TSPAN33: variants seen among roughly 807,000 people sequenced by gnomAD.
TSPAN33 encodes the protein tetraspanin 33.
A neutral mutation model predicts 34.8 loss-of-function variants in TSPAN33; 27 were observed. The ratio of observed to expected loss-of-function variants is 0.78; its 90% CI spans 0.57 to 1.07. The LOEUF is 1.07. Ranked by LOEUF, TSPAN33 falls within the 50% of genes least tolerant of loss-of-function variation. The pLI is 0.00. For synonymous variants in TSPAN33, 119 were observed against 124.2 expected (o/e 0.96, Z 0.28); for missense variants, 272 against 324.9 (o/e 0.84, Z 1.25).
chr7:129,167,910 C>T lies in TSPAN33; in HGVS notation c.*36C>T. ...TGCACCTCCTCACCATGGAAACTGG[C>T]AAGCCTCATAAACGAACAGCAGTGG... On this transcript the variant is annotated 3_prime_UTR_variant, in exon 8 of 8. Transcript: ENST00000486685. The surrounding 1 kb of genome is among the most constrained non-coding windows in gnomAD (Gnocchi z 4.6). 6.2e-7 allele frequency: 1 copy of T among 1,608,986 alleles called. No homozygotes were observed. The highest frequency in any genetic ancestry group is 1.1e-5 in the South Asian group (1 of 90,224).
intron 3 of TSPAN33, 69 bp downstream of exon 3, chr7:129,162,590 C>G: frequency 6.3e-7 from 1 of 1,593,598 alleles, no homozygotes; most frequent in South Asian, 1.1e-5. Flanking sequence ...CCTCCCACGG[C>G]CCTTTGGTTG....
chr7:129,167,754 T>G lies in TSPAN33; in HGVS notation c.751-19T>G. ...CATCACTCACTGCTGAGTGCCCAAT[T>G]CCTTCTTGCCTCTCCCAGCTGGTGG... On this transcript the variant is annotated intron_variant, in intron 7 of 7. Transcript: ENST00000486685. This position sits in a 1 kb window ranked among gnomAD's most constrained non-coding sequence, Gnocchi z 4.6. 1 of 1,613,352 alleles carries G rather than the reference T, an allele frequency of 6.2e-7. No homozygotes were observed. The highest frequency in any genetic ancestry group is 8.5e-7 in the Non-Finnish European group (1 of 1,179,408).
In TSPAN33 at chr7:129,161,698, T is replaced by G. The variant is rs1793056849; in HGVS notation, c.122T>G (p.Val41Gly). 1 of 1,614,150 alleles carries G rather than the reference T, an allele frequency of 6.2e-7. No homozygotes were observed. The highest frequency in any genetic ancestry group is 1.3e-5 in the African/African-American group (1 of 75,026). ...MLFWVISMVM[V>G]AVGVYARLMK... ...CCACAGGTGATTTCCATGGTGATGG[T>G]GGCTGTGGGTGTCTACGCTCGGCTA... Residue 41 changes from valine (V) to glycine (G), a missense_variant, in exon 2 of 8, where the codon GTG (valine) becomes GGG (glycine). Transcript: ENST00000486685.
In TSPAN33 at chr7:129,161,827, G is replaced by A. The variant is rs1793059040; in HGVS notation, c.160+91G>A. 9 of 1,533,082 alleles carry A rather than the reference G, an allele frequency of 5.9e-6. No individual in the cohort carries two copies. The South Asian group carries it at 1.0e-4, about 17-fold the overall frequency. 95.0% of individuals were successfully genotyped at this position (1,533,082 alleles called of 1,614,324 possible). ...AGCCTGGCCCTCACACATAAGCTATGGGGCTAAAGGAGGCAGCCTCCCTGG... is the reference window on the plus strand; with the variant it reads ...AGCCTGGCCCTCACACATAAGCTATAGGGCTAAAGGAGGCAGCCTCCCTGG... On this transcript the variant is annotated intron_variant, in intron 2 of 7. Coordinates refer to ENST00000486685, the MANE Select transcript of TSPAN33 (RefSeq NM_178562.5).
At chr7:129,153,132 G>A (rs1341773114) in intron 1 of TSPAN33, among the ~76,000 whole-genome samples, 2 of 151,806 alleles carry the variant, frequency 1.3e-5, no homozygotes, top group African/African-American at 4.8e-5. Context: ...CGGACACAGA[G>A]GGTCACCTAG....
intron 1 of TSPAN33, among the ~76,000 whole-genome samples, chr7:129,153,595 T>G (rs145110457): frequency 8.6e-4 from 131 of 152,206 alleles, no homozygotes; most frequent in African/African-American, 3.1e-3. Flanking sequence ...TTGGGGATAA[T>G]TGGGGAAAGT....
At chr7:129,162,135 G>A (rs371253794) in intron 2 of TSPAN33, among the ~76,000 whole-genome samples, 2 of 152,198 alleles carry the variant, frequency 1.3e-5, no homozygotes, top group African/African-American at 2.4e-5. Context: ...ATTCTTTTGC[G>A]GAGCGAAAGC....
chr7:129,145,838 C>T (rs1810513221), intron 1 of TSPAN33, among the ~76,000 whole-genome samples: 1 of 151,802 alleles, frequency 6.6e-6, no homozygotes, highest in Non-Finnish European at 1.5e-5. Context: ...TTGACTTGAC[C>T]GACCTAAGCA....
At position 129,167,150 on chromosome 7, in the gene TSPAN33, T is replaced by C. The variant is rs146728592; in HGVS notation, c.588+244T>C. On this transcript the variant is annotated intron_variant, in intron 6 of 7. Coordinates refer to ENST00000486685, the MANE Select transcript of TSPAN33 (RefSeq NM_178562.5). The surrounding 1 kb of genome is among the most constrained non-coding windows in gnomAD (Gnocchi z 4.6). ...CAGATTCAGTACCTGTGCAGGTTTG[T>C]TATATAAGTAAACTTGTGTCTTAGG... Among the ~76,000 whole-genome samples, 90 of 152,316 alleles carry C rather than the reference T, an allele frequency of 5.9e-4. No individual in the cohort carries two copies. Among genetic ancestry groups the C allele is most frequent in the African/African-American group, 2.0e-3 (83 of 41,572 alleles).
rs1427536743 is a variant in TSPAN33 at position 129,167,899 on chromosome 7, A to G, written c.*25A>G. On this transcript the variant is annotated 3_prime_UTR_variant, in exon 8 of 8. Transcript: ENST00000486685. The surrounding 1 kb of genome is among the most constrained non-coding windows in gnomAD (Gnocchi z 4.6). ...AGAATCCATCCTGCACCTCCTCACC[A>G]TGGAAACTGGCAAGCCTCATAAACG... The G allele has an allele frequency of 5.6e-6, 9 of 1,611,920 alleles. No homozygotes were observed. The highest frequency in any genetic ancestry group is 4.4e-5 in the South Asian group (4 of 90,676).
Position 129,167,835 on chromosome 7 carries a change from GCTCTA to G in TSPAN33, c.815_819del (p.Leu272GlnfsTer7). The stretch of plus-strand genomic sequence containing the variant: ...AGATCAAAGATCAGATCAAGCTACA[GCTCTA>G]CAACCAGCAGCACCGGGCTGACCCA... On this transcript the variant is annotated frameshift_variant, in exon 8 of 8. Coordinates refer to ENST00000486685, the MANE Select transcript of TSPAN33 (RefSeq NM_178562.5). LOFTEE classifies it high-confidence loss of function. This position sits in a 1 kb window ranked among gnomAD's most constrained non-coding sequence, Gnocchi z 4.6. 1 of 1,614,154 alleles carries G rather than the reference GCTCTA, an allele frequency of 6.2e-7. No homozygotes were observed.
intron 1 of TSPAN33, among the ~76,000 whole-genome samples, chr7:129,145,628 C>T (rs535099520): frequency 6.6e-6 from 1 of 151,792 alleles, no homozygotes; most frequent in Admixed American, 6.6e-5. Context: ...CAGCACTGCC[C>T]CAAACTTTGT....
intron 3 of TSPAN33, 66 bp from the exon 4 acceptor site, chr7:129,162,767 C>T: frequency 6.4e-7 from 1 of 1,567,302 alleles, no homozygotes; most frequent in South Asian, 1.1e-5. Flanking sequence ...CCAGCATCCC[C>T]TTGGCCCTGG....
intron 1 of TSPAN33, among the ~76,000 whole-genome samples, chr7:129,155,356 TAAC>T (rs1333130205): frequency 2.0e-5 from 3 of 152,188 alleles, no homozygotes; most frequent in Non-Finnish European, 2.9e-5. Flanking sequence ...TGACTATAGT[TAAC>T]AACAATATAT....
chr7:129,154,286 C>T (rs1473839174), intron 1 of TSPAN33, among the ~76,000 whole-genome samples: 1 of 151,904 alleles, frequency 6.6e-6, no homozygotes, highest in African/African-American at 2.4e-5. Flanking sequence ...TGTACCACTG[C>T]CCTCCAGCCT....
chr7:129,163,333 C>CTTTTTTTTTTTTTTTTTTTGTT (rs57365994), intron 4 of TSPAN33, among the ~76,000 whole-genome samples: 1 of 124,872 alleles, frequency 8.0e-6, no homozygotes, highest in Non-Finnish European at 1.6e-5. Context: ...TTCTTTCTTT[C>CTTTTTTTTTTTTTTTTTTTGTT]TTTTTTTTTT....
At chr7:129,164,386 G>A (rs1203517993) in intron 4 of TSPAN33, 88 bp from the exon 5 acceptor site, 13 of 1,166,922 alleles carry the variant, frequency 1.1e-5, no homozygotes, top group Non-Finnish European at 1.4e-5. Flanking sequence ...AGTTAAGAAG[G>A]ATGATCCCTG....
intron 1 of TSPAN33, among the ~76,000 whole-genome samples, chr7:129,154,480 G>A (rs1452626580): frequency 6.6e-6 from 1 of 152,170 alleles, no homozygotes; most frequent in Non-Finnish European, 1.5e-5. Flanking sequence ...GATGGCTCAC[G>A]CCTGTAATCC....
intron 1 of TSPAN33, among the ~76,000 whole-genome samples, chr7:129,157,490 T>C (rs1283182010): frequency 6.6e-6 from 1 of 152,208 alleles, no homozygotes; most frequent in Non-Finnish European, 1.5e-5. Context: ...GACTTAATCT[T>C]GATTTTAATG....
Sources: gnomAD v4.1 joint callset for allele counts (sites outside exome capture counted in the v4.1 genomes callset) on GRCh38, gnomAD v4.1.1 for gene constraint, Gnocchi (gnomAD v3.1) non-coding constraint, MANE v1.5 for transcripts, NCBI Gene and HGNC (gene_info 2026-07-23, HGNC 2026-07-21) for gene names.